The following FNBP1L variants were observed in gnomAD, a reference collection of about 807,000 sequenced individuals.
FNBP1L encodes formin-binding protein 1-like.
FNBP1L carries 36 observed loss-of-function variants against 91.2 expected under a neutral mutation model. The observed-to-expected ratio is 0.39, with a 90% CI of 0.30 to 0.52. The LOEUF (loss-of-function observed/expected upper bound fraction) is 0.52. FNBP1L is among the 20% of genes least tolerant of loss of function. The pLI is 0.66. For synonymous variants in FNBP1L, 242 were observed against 237.0 expected (o/e 1.02, Z -0.19); for missense variants, 571 against 732.1 (o/e 0.78, Z 2.54).
At chr1:93,521,449 A>G (rs980276014) in intron 2 of FNBP1L, among the ~76,000 whole-genome samples, 3 of 152,178 alleles carry the variant, frequency 2.0e-5, no homozygotes, top group Non-Finnish European at 4.4e-5. Context: ...GCCCTGACTC[A>G]GTTTCACATA....
At chr1:93,465,366 C>A (rs138618734) in intron 1 of FNBP1L, among the ~76,000 whole-genome samples, 6 of 151,926 alleles carry the variant, frequency 3.9e-5, no homozygotes, top group Non-Finnish European at 4.4e-5. Context: ...CTCCCACCCC[C>A]CAACAGGCCG....
intron 5 of FNBP1L, among the ~76,000 whole-genome samples, chr1:93,527,810 G>A (rs1671540850): frequency 6.6e-6 from 1 of 152,000 alleles, no homozygotes; most frequent in African/African-American, 2.4e-5. Flanking sequence ...AGGAAAGAAG[G>A]CAATGTGACT....
rs1348783756 is a variant in FNBP1L, at chr1:93,529,749, T to C, written c.503T>C (p.Val168Ala). ...GATACTAATGCAACCAAGGCAGATG[T>C]TGAAAAGGTAAGAAATACTCCAAAC... ...DNDTNATKAD[V>A]EKAKQQLNLR... Residue 168 changes from valine to alanine, a missense_variant, in exon 6 of 17, where the codon GTT becomes GCT. Physicochemically the swap from Val to Ala is moderately conservative, Grantham distance 64. This residue lies in a region of FNBP1L where 220 missense variants were observed against 313.6 expected (regional missense o/e 0.70). Coordinates refer to ENST00000271234, the MANE Select transcript of FNBP1L (RefSeq NM_001164473.3). 1 of 1,510,148 alleles carries C rather than the reference T, an allele frequency of 6.6e-7. No homozygotes were observed. 93.5% of individuals were successfully genotyped at this position (1,510,148 alleles called of 1,614,324 possible). A position where few individuals can be genotyped will look rare whatever the true frequency, so the allele number is the denominator to read the frequency against.
chr1:93,499,836 A>G (rs529163477), intron 2 of FNBP1L, among the ~76,000 whole-genome samples: 7 of 152,276 alleles, frequency 4.6e-5, no homozygotes, highest in African/African-American at 1.7e-4. Flanking sequence ...GGGGAGCAAA[A>G]TGCCGGGAAA....
rs1437055657 is a variant in FNBP1L at position 93,551,027 on chromosome 1, AG to A, written c.1733del (p.Arg578LysfsTer17). ...GGAGGACAAAGGTGACGGATGGACA[AG>A]AGCTCGGAGACAGAACGGTGAAGAA... ...IEEDKGDGWT[R>X]ARRQNGEEGY... On this transcript the variant is annotated frameshift_variant, in exon 16 of 17. Coordinates refer to ENST00000271234, the MANE Select transcript of FNBP1L (RefSeq NM_001164473.3). LOFTEE classifies it high-confidence loss of function. 1 of 1,612,902 alleles carries A rather than the reference AG, an allele frequency of 6.2e-7. No homozygotes were observed. The highest frequency in any genetic ancestry group is 8.5e-7 in the Non-Finnish European group (1 of 1,179,384).
chr1:93,476,821 G>A (rs1356492009), intron 1 of FNBP1L, among the ~76,000 whole-genome samples: 1 of 152,122 alleles, frequency 6.6e-6, no homozygotes, highest in Non-Finnish European at 1.5e-5. Flanking sequence ...GAGCAAAACA[G>A]ACACAGAGAA....
chr1:93,458,790 C>T lies in FNBP1L; in HGVS notation c.24+10485C>T, dbSNP rs906145745. On this transcript the variant is annotated intron_variant, in intron 1 of 16. Coordinates refer to ENST00000271234, the MANE Select transcript of FNBP1L (RefSeq NM_001164473.3). ...ATGGAAATTTTCAGAAATAAACATT[C>T]ACATAACTTTTATTACTATTTATTG... 3.3e-5 allele frequency among the ~76,000 whole-genome samples: 5 copies of T among 152,330 alleles called. 1 individual carries two copies. The South Asian group carries it at 1.0e-3, about 32-fold the overall frequency.
chr1:93,497,775 A>G (rs1443553959), intron 1 of FNBP1L, among the ~76,000 whole-genome samples: 1 of 152,058 alleles, frequency 6.6e-6, no homozygotes, highest in Non-Finnish European at 1.5e-5. Flanking sequence ...GCGTGCCACC[A>G]CGCCTGGCCA....
At chr1:93,451,840 CAG>C (rs1668505990) in intron 1 of FNBP1L, among the ~76,000 whole-genome samples, 1 of 152,050 alleles carries the variant, frequency 6.6e-6, no homozygotes, top group Admixed American at 6.6e-5. Context: ...TTAGTAGAAA[CAG>C]GTTTTCACCA....
At chr1:93,550,926 C>A in intron 15 of FNBP1L, 21 bp from the exon 16 acceptor site, 2 of 1,512,044 alleles carry the variant, frequency 1.3e-6, no homozygotes, top group Non-Finnish European at 1.8e-6. Flanking sequence ...TTAAATTATG[C>A]TTGTGAAAAC....
At chr1:93,458,831 TTTA>T (rs757842958) in intron 1 of FNBP1L, among the ~76,000 whole-genome samples, 7 of 152,240 alleles carry the variant, frequency 4.6e-5, no homozygotes, top group Non-Finnish European at 8.8e-5. Flanking sequence ...ATTGTTCTCT[TTTA>T]TTATTAGTAT....
intron 1 of FNBP1L, among the ~76,000 whole-genome samples, chr1:93,458,289 A>G (rs1233372606): frequency 6.6e-6 from 1 of 152,140 alleles, no homozygotes; most frequent in Non-Finnish European, 1.5e-5. Context: ...CACATGCAGA[A>G]GAATGAATTT....
intron 1 of FNBP1L, among the ~76,000 whole-genome samples, chr1:93,495,469 TG>T (rs567295939): frequency 2.6e-4 from 39 of 152,328 alleles, no homozygotes; most frequent in Admixed American, 8.5e-4. Flanking sequence ...TTTGTAGGTA[TG>T]CAAAGAAAAC....
At chr1:93,490,786 A>G (rs1264505445) in intron 1 of FNBP1L, among the ~76,000 whole-genome samples, 2 of 152,174 alleles carry the variant, frequency 1.3e-5, no homozygotes, top group Non-Finnish European at 2.9e-5. Flanking sequence ...TTAGTTTGTC[A>G]TGATCTTTTC....
intron 1 of FNBP1L, among the ~76,000 whole-genome samples, chr1:93,475,230 T>C (rs558917289): frequency 6.6e-6 from 1 of 152,170 alleles, no homozygotes; most frequent in African/African-American, 2.4e-5. Flanking sequence ...GCTTTACATA[T>C]TCTGAAAATA....
chr1:93,518,787 T>C (rs1404513471), intron 2 of FNBP1L, among the ~76,000 whole-genome samples: 1 of 152,218 alleles, frequency 6.6e-6, no homozygotes, highest in East Asian at 1.9e-4. Flanking sequence ...TACAGAGTTG[T>C]GCAACCATAA....
chr1:93,535,689 A>G (rs1671824087), intron 9 of FNBP1L, among the ~76,000 whole-genome samples: 1 of 152,066 alleles, frequency 6.6e-6, no homozygotes, highest in Admixed American at 6.6e-5. Flanking sequence ...CTTTAAAAGC[A>G]CAATTATAAT....
chr1:93,474,732 G>T (rs1669433493), intron 1 of FNBP1L, among the ~76,000 whole-genome samples: 1 of 152,224 alleles, frequency 6.6e-6, no homozygotes, highest in African/African-American at 2.4e-5. Context: ...TTCAGGGAAA[G>T]AATGATGTGA....
chr1:93,515,725 T>C (rs1671075421), intron 2 of FNBP1L, among the ~76,000 whole-genome samples: 1 of 121,874 alleles, frequency 8.2e-6, no homozygotes, highest in Non-Finnish European at 1.6e-5. Context: ...TGAGAACACA[T>C]GGACACAGGA....
Sources: gnomAD v4.1 joint callset for allele counts (sites outside exome capture counted in the v4.1 genomes callset) on GRCh38, gnomAD v4.1.1 for gene constraint, gnomAD v4.1.1 regional missense constraint, MANE v1.5 for transcripts, NCBI Gene and HGNC (gene_info 2026-07-23, HGNC 2026-07-21) for gene names.